Variants in DLGAP1 observed in about 807,000 individuals in gnomAD.
DLGAP1 encodes disks large-associated protein 1.
A neutral mutation model predicts 90.8 loss-of-function variants in DLGAP1; 11 were observed. The ratio of observed to expected loss-of-function variants is 0.12; its 90% CI spans 0.08 to 0.20. The LOEUF (loss-of-function observed/expected upper bound fraction) is 0.20, where lower values mean the gene tolerates loss of function less well. Ranked by LOEUF, DLGAP1 falls within the 10% of genes least tolerant of loss-of-function variation. The probability of loss-of-function intolerance (pLI) is 1.00; values close to 1 mark genes in which losing one functional copy is unlikely to be tolerated. For synonymous variants in DLGAP1, 558 were observed against 540.7 expected (o/e 1.03, Z -0.44); for missense variants, 1,050 against 1,333.8 (o/e 0.79, Z 3.31).
chr18:4,261,254 A>C (rs1364101238), intron 1 of DLGAP1, among the ~76,000 whole-genome samples: 1 of 152,006 alleles, frequency 6.6e-6, no homozygotes, highest in Non-Finnish European at 1.5e-5. Flanking sequence ...TCCAAGTCGG[A>C]CTCTATGCCT....
At chr18:3,927,946 T>G (rs1395432047) in intron 3 of DLGAP1, among the ~76,000 whole-genome samples, 1 of 152,216 alleles carries the variant, frequency 6.6e-6, no homozygotes, top group Non-Finnish European at 1.5e-5. Context: ...AAAGCTGAGA[T>G]GATCTGATAT....
At chr18:3,531,122 A>G (rs576709795) in intron 10 of DLGAP1, among the ~76,000 whole-genome samples, 7 of 152,174 alleles carry the variant, frequency 4.6e-5, no homozygotes, top group Non-Finnish European at 7.3e-5. Flanking sequence ...AACATGATTT[A>G]TAGTAGATGT....
At chr18:4,072,167 T>C (rs923228444) in intron 2 of DLGAP1, among the ~76,000 whole-genome samples, 1 of 151,748 alleles carries the variant, frequency 6.6e-6, no homozygotes, top group Non-Finnish European at 1.5e-5. Context: ...AAGCAAAAAC[T>C]TGGAGTCTAT....
intron 4 of DLGAP1, among the ~76,000 whole-genome samples, chr18:3,827,808 A>G (rs1471262891): frequency 6.6e-6 from 1 of 152,220 alleles, no homozygotes; most frequent in Non-Finnish European, 1.5e-5. Flanking sequence ...GTGACCCATT[A>G]AATTGATTTC....
chr18:4,036,479 G>A (rs531546143), intron 2 of DLGAP1, among the ~76,000 whole-genome samples: 1 of 152,304 alleles, frequency 6.6e-6, no homozygotes, highest in African/African-American at 2.4e-5. Flanking sequence ...TTTAACTTAA[G>A]TAGAATTTTT....
At chr18:3,871,077 T>G (rs149886614) in intron 4 of DLGAP1, among the ~76,000 whole-genome samples, 1 of 152,348 alleles carries the variant, frequency 6.6e-6, no homozygotes, top group African/African-American at 2.4e-5. Flanking sequence ...AAGGATGTTA[T>G]GAGAATGGAT....
intron 7 of DLGAP1, among the ~76,000 whole-genome samples, chr18:3,663,580 T>A (rs967120534): frequency 8.5e-5 from 13 of 152,298 alleles, no homozygotes; most frequent in African/African-American, 2.4e-4. Flanking sequence ...ATCTCTTGTA[T>A]AGGAACTGTC....
chr18:3,740,875 C>T (rs951136593), intron 6 of DLGAP1, among the ~76,000 whole-genome samples: 19 of 148,414 alleles, frequency 1.3e-4, no homozygotes, highest in African/African-American at 2.5e-4. Context: ...CCGCCACCAC[C>T]GTCACCATCA....
At chr18:4,050,815 G>T (rs1463805874) in intron 2 of DLGAP1, among the ~76,000 whole-genome samples, 1 of 151,678 alleles carries the variant, frequency 6.6e-6, no homozygotes, top group African/African-American at 2.4e-5. Flanking sequence ...ATCTTTGAAA[G>T]ATGTGAGCTC....
At chr18:3,983,377 C>T (rs1002375036) in intron 3 of DLGAP1, 1 of 152,134 alleles carries the variant, frequency 6.6e-6, no homozygotes, top group Non-Finnish European at 1.5e-5. Context: ...CCAAATAAAG[C>T]TCATTTGCCT....
intron 7 of DLGAP1, among the ~76,000 whole-genome samples, chr18:3,685,310 C>G (rs1169960058): frequency 6.6e-6 from 1 of 152,024 alleles, no homozygotes; most frequent in Non-Finnish European, 1.5e-5. Flanking sequence ...GCCTATAATC[C>G]CAGCACTTTG....
At chr18:3,581,149 CCT>C (rs2055485935) in intron 8 of DLGAP1, among the ~76,000 whole-genome samples, 1 of 152,106 alleles carries the variant, frequency 6.6e-6, no homozygotes, top group African/African-American at 2.4e-5. Context: ...TCCTCAGAGC[CCT>C]GTTTTCCTGC....
chr18:3,499,206 G>A lies in DLGAP1; in HGVS notation c.2913C>T (p.Pro971=). The stretch of plus-strand genomic sequence containing the variant: ...GCGCTCAGAGCCGGGTCTGCGCCTC[G>A]GGGATGTAGATCTCGATGCTCTCGG... ...ESAESIEIYI[P]EAQTRL is the part of the protein sequence containing the mutation. Residue 971 remains proline (P), a synonymous_variant, in exon 13 of 13, where the codon CCC becomes CCT. Coordinates refer to ENST00000315677, the MANE Select transcript of DLGAP1 (RefSeq NM_004746.4). This position sits in a 1 kb window ranked among gnomAD's most constrained non-coding sequence, Gnocchi z 6.4. The A allele has an allele frequency of 6.3e-7, 1 of 1,592,858 alleles. No homozygotes were observed. The highest frequency in any genetic ancestry group is 8.5e-7 in the Non-Finnish European group (1 of 1,173,482).
At chr18:3,798,980 T>A (rs2066152779) in intron 5 of DLGAP1, among the ~76,000 whole-genome samples, 1 of 151,612 alleles carries the variant, frequency 6.6e-6, no homozygotes, top group South Asian at 2.1e-4. Context: ...TTCAAGCGAG[T>A]CTCCTGCCTC....
At chr18:3,864,748 T>A (rs2070283956) in intron 4 of DLGAP1, among the ~76,000 whole-genome samples, 1 of 152,162 alleles carries the variant, frequency 6.6e-6, no homozygotes, top group Non-Finnish European at 1.5e-5. Flanking sequence ...TCTACTGATA[T>A]TCTCTAACAG....
intron 1 of DLGAP1, among the ~76,000 whole-genome samples, chr18:4,190,459 C>T (rs867399991): frequency 6.6e-6 from 1 of 152,080 alleles, no homozygotes; most frequent in Admixed American, 6.6e-5. Flanking sequence ...AGATGCATGA[C>T]ATTATACACT....
Position 4,002,564 on chromosome 18 carries a change from G to A in DLGAP1, c.-73+2552C>T, listed in dbSNP as rs367786627. On this transcript the variant is annotated intron_variant, in intron 3 of 12. Transcript: ENST00000315677. ...TCTTAATAACACTTTTTTTCCTCTA[G>A]CTTACTTTATGGTAAGAATACAATA... is the stretch of plus-strand genomic sequence containing the variant. 2.6e-4 allele frequency among the ~76,000 whole-genome samples: 39 copies of A among 151,524 alleles called. No homozygotes were observed. The East Asian group carries it at 7.2e-3, about 28-fold the overall frequency.
At chr18:3,880,874 C>G (rs953273423) in intron 3 of DLGAP1, among the ~76,000 whole-genome samples, 1 of 132,796 alleles carries the variant, frequency 7.5e-6, no homozygotes, top group Non-Finnish European at 1.6e-5. Context: ...ACCTGGGAGG[C>G]GGAGCTTGCA....
intron 1 of DLGAP1, among the ~76,000 whole-genome samples, chr18:4,222,490 T>G (rs1481006494): frequency 6.6e-6 from 1 of 152,134 alleles, no homozygotes; most frequent in African/African-American, 2.4e-5. Context: ...TCATTTGCAG[T>G]TTGCTTTTCA....
Sources: allele counts gnomAD v4.1 joint callset (sites outside exome capture counted in the v4.1 genomes callset), GRCh38; gene constraint gnomAD v4.1.1; non-coding constraint Gnocchi (gnomAD v3.1); transcripts MANE v1.5; gene names NCBI Gene and HGNC (gene_info 2026-07-23, HGNC 2026-07-21).